ADGRL2: variants seen among roughly 807,000 people sequenced by gnomAD.
ADGRL2 encodes the protein calcium-independent alpha-latrotoxin receptor 2.
Under a neutral mutation model 157.4 loss-of-function variants are expected in ADGRL2, and 44 were observed. The observed-to-expected ratio is 0.28, with a 90% CI of 0.22 to 0.36. ADGRL2 has a LOEUF of 0.36. Ranked by LOEUF, ADGRL2 falls within the 10% of genes least tolerant of loss-of-function variation. The probability of loss-of-function intolerance (pLI) is 1.00; values close to 1 mark genes in which losing one functional copy is unlikely to be tolerated. For missense variants in ADGRL2, 1,510 were observed against 1,768.9 expected (o/e 0.85, Z 2.63); for synonymous variants, 585 against 624.7 (o/e 0.94, Z 0.95).
chr1:81,820,731 T>A (rs1178283985), intron 1 of ADGRL2, among the ~76,000 whole-genome samples: 2 of 73,484 alleles, frequency 2.7e-5, no homozygotes, highest in Admixed American at 3.3e-4. Flanking sequence ...TTGACCTGTC[T>A]GTCTGAAAAA....
intron 1 of ADGRL2, among the ~76,000 whole-genome samples, chr1:81,380,070 A>G (rs1461423618): frequency 6.6e-6 from 1 of 152,122 alleles, no homozygotes; most frequent in Non-Finnish European, 1.5e-5. Flanking sequence ...CGCTTTCCCT[A>G]ACACGCAAAA....
intron 11 of ADGRL2, among the ~76,000 whole-genome samples, chr1:81,965,108 G>C (rs1656658063): frequency 6.6e-6 from 1 of 152,078 alleles, no homozygotes; most frequent in Admixed American, 6.5e-5. Flanking sequence ...TCAGTGTTTT[G>C]TATTGACGTG....
chr1:81,638,094 T>G (rs1557526511), intron 3 of ADGRL2, among the ~76,000 whole-genome samples: 1 of 151,674 alleles, frequency 6.6e-6, no homozygotes, highest in African/African-American at 2.4e-5. Context: ...CAACTTCCTC[T>G]CAGAGACCAC....
At chr1:81,573,556 A>T (rs910838955) in intron 2 of ADGRL2, among the ~76,000 whole-genome samples, 5 of 152,194 alleles carry the variant, frequency 3.3e-5, no homozygotes, top group African/African-American at 1.2e-4. Flanking sequence ...GAATGAAAAT[A>T]GTGAAGTAGG....
At chr1:81,893,785 T>G (rs1320675570) in intron 2 of ADGRL2, among the ~76,000 whole-genome samples, 1 of 152,192 alleles carries the variant, frequency 6.6e-6, no homozygotes, top group Non-Finnish European at 1.5e-5. Flanking sequence ...TTTTGTAACT[T>G]TACAATGTTA....
chr1:81,620,859 G>C (rs896908639), intron 3 of ADGRL2, among the ~76,000 whole-genome samples: 2 of 152,178 alleles, frequency 1.3e-5, no homozygotes, highest in African/African-American at 2.4e-5. Context: ...CGTCAGACAA[G>C]GCCTCCGATG....
chr1:81,400,774 T>C (rs1319020803), intron 1 of ADGRL2, among the ~76,000 whole-genome samples: 1 of 151,956 alleles, frequency 6.6e-6, no homozygotes, highest in Non-Finnish European at 1.5e-5. Context: ...CTCCACTCCC[T>C]AGAAAGAAGG....
chr1:81,496,457 C>G (rs1483729804), intron 2 of ADGRL2, among the ~76,000 whole-genome samples: 3 of 152,054 alleles, frequency 2.0e-5, no homozygotes, highest in African/African-American at 7.2e-5. Context: ...AGCCTGAATT[C>G]ACCTAGTGAC....
At chr1:81,639,540 CAAAAAAAAAAAAA>C (rs56281820) in intron 3 of ADGRL2, among the ~76,000 whole-genome samples, 2 of 82,980 alleles carry the variant, frequency 2.4e-5, no homozygotes, top group African/African-American at 5.0e-5. Flanking sequence ...TCCATCTCTA[CAAAAAAAAAAAAA>C]AAAAAAAAAA....
intron 3 of ADGRL2, among the ~76,000 whole-genome samples, chr1:81,910,865 TG>T (rs1335938769): frequency 1.4e-4 from 21 of 152,042 alleles, no homozygotes; most frequent in African/African-American, 5.1e-4. Flanking sequence ...GTAGAAAGTT[TG>T]TCTTTGAAAA....
At chr1:81,829,996 C>T (rs923412219) in intron 1 of ADGRL2, among the ~76,000 whole-genome samples, 11 of 152,114 alleles carry the variant, frequency 7.2e-5, no homozygotes, top group African/African-American at 2.2e-4. Flanking sequence ...AAACACAGAT[C>T]CAGAAACTGC....
chr1:81,779,313 C>T (rs114942362), intron 2 of ADGRL2, among the ~76,000 whole-genome samples: 1,811 of 152,252 alleles, frequency 0.012, 21 homozygotes, highest in Non-Finnish European at 0.018. Flanking sequence ...GGTCAGGGTC[C>T]TCTCTGAAGT....
chr1:81,370,558 T>C (rs2076145003), intron 1 of ADGRL2, among the ~76,000 whole-genome samples: 1 of 152,140 alleles, frequency 6.6e-6, no homozygotes, highest in Non-Finnish European at 1.5e-5. Flanking sequence ...CTTTTATAGT[T>C]AAATATAGGC....
chr1:81,657,596 G>T (rs1434387178), intron 3 of ADGRL2, among the ~76,000 whole-genome samples: 1 of 152,110 alleles, frequency 6.6e-6, no homozygotes, highest in Non-Finnish European at 1.5e-5. Flanking sequence ...CACTTCTCCT[G>T]CCAGGAGAAA....
intron 1 of ADGRL2, among the ~76,000 whole-genome samples, chr1:81,715,606 T>C (rs1368596228): frequency 6.6e-6 from 1 of 152,136 alleles, no homozygotes. Flanking sequence ...GGAGTAAGAG[T>C]GTGCTGAGCA....
At position 81,416,993 on chromosome 1, in the gene ADGRL2, G is replaced by A. The variant is rs936371708; in HGVS notation, c.-301-28043G>A. On this transcript the variant is annotated intron_variant, in intron 1 of 24. Coordinates refer to the ADGRL2 transcript ENST00000370721. ...TTCCCAGGTAATTCTCAGGCACGTAGTTCTCAGAACGTGCTTAAGAATTAC... is the reference window on the plus strand; with the variant it reads ...TTCCCAGGTAATTCTCAGGCACGTAATTCTCAGAACGTGCTTAAGAATTAC... Among the ~76,000 whole-genome samples the A allele has an allele frequency of 2.6e-5, 4 of 152,250 alleles. 1 individual carries two copies. The highest frequency in any genetic ancestry group is 3.4e-3 in the Middle Eastern group (1 of 294).
chr1:81,759,656 C>T (rs1474212813), intron 1 of ADGRL2, among the ~76,000 whole-genome samples: 3 of 152,116 alleles, frequency 2.0e-5, no homozygotes, highest in East Asian at 1.9e-4. Flanking sequence ...TCATCAACAA[C>T]TTAATGCATC....
At chr1:81,393,582 G>A (rs1053407099) in intron 1 of ADGRL2, among the ~76,000 whole-genome samples, 3 of 152,022 alleles carry the variant, frequency 2.0e-5, no homozygotes, top group Admixed American at 6.6e-5. Flanking sequence ...TTGTTGTCTT[G>A]TTTTAATTTA....
chr1:81,540,661 A>G lies in ADGRL2; in HGVS notation c.-247-40215A>G, dbSNP rs142538492. On this transcript the variant is annotated intron_variant, in intron 2 of 24. Coordinates refer to the ADGRL2 transcript ENST00000370721. The stretch of plus-strand genomic sequence containing the variant: ...TGTATAAAGGCCCTAGGAACCTGAG[A>G]AAAAAAAATAAAAAATAAACACGGG... Among the ~76,000 whole-genome samples, 1,185 of 151,780 alleles carry G rather than the reference A, an allele frequency of 7.8e-3. 19 individuals carry two copies. Among genetic ancestry groups the G allele is most frequent in the African/African-American group, 0.027 (1,106 of 41,414 alleles).
Sources: allele counts gnomAD v4.1 joint callset (sites outside exome capture counted in the v4.1 genomes callset), GRCh38; gene constraint gnomAD v4.1.1; transcripts MANE v1.5; gene names NCBI Gene and HGNC (gene_info 2026-07-23, HGNC 2026-07-21).